The following RPTOR variants were observed in gnomAD, a reference collection of about 807,000 sequenced individuals.
The protein encoded by RPTOR is regulatory associated protein of MTOR complex 1, also known as regulatory-associated protein of mTOR.
RPTOR carries 21 observed loss-of-function variants against 169.9 expected under a neutral mutation model. The ratio of observed to expected loss-of-function variants is 0.12; its 90% CI spans 0.09 to 0.18. The LOEUF (loss-of-function observed/expected upper bound fraction) is 0.18. RPTOR is among the 10% of genes least tolerant of loss of function. The probability of loss-of-function intolerance (pLI) is 1.00; values close to 1 mark genes in which losing one functional copy is unlikely to be tolerated. For missense variants in RPTOR, 1,133 were observed against 1,855.9 expected, an observed-to-expected ratio of 0.61 and a Z score of 7.16; for synonymous variants, 732 against 753.2, an observed-to-expected ratio of 0.97 and a Z score of 0.46.
chr17:80,615,242 C>T (rs1306021993), intron 1 of RPTOR, among the ~76,000 whole-genome samples: 1 of 152,164 alleles, frequency 6.6e-6, no homozygotes, highest in Middle Eastern at 3.2e-3. Context: ...CCTAGAAGAC[C>T]TGCCACCGCC....
chr17:80,760,300 C>CTTTTTTTTT lies in RPTOR; in HGVS notation c.830+6121_830+6122insTTTTTTTTT, dbSNP rs1479994551. 3.1e-3 allele frequency among the ~76,000 whole-genome samples: 298 copies of CTTTTTTTTT among 96,472 alleles called. 6 individuals carry two copies. The highest frequency in any genetic ancestry group is 4.1e-3 in the Non-Finnish European group (207 of 50,628). The allele number at this position is 96,472 out of a possible 152,430, so 63.3% of individuals were successfully genotyped here. ...GTGTTCCAGTCGAGCTTTCTTTTTT[C>CTTTTTTTTT]TTTTTTCTTTTTTTTTTTTTTGAGA... On this transcript the variant is annotated intron_variant, in intron 6 of 33. Coordinates refer to ENST00000306801, the MANE Select transcript of RPTOR (RefSeq NM_020761.3).
chr17:80,813,330 C>T (rs138866494), intron 7 of RPTOR, among the ~76,000 whole-genome samples: 2 of 152,224 alleles, frequency 1.3e-5, no homozygotes, highest in South Asian at 4.1e-4. Flanking sequence ...AAAGTATTTT[C>T]ACTGGTTTCA....
chr17:80,731,752 G>C (rs1415985742), intron 5 of RPTOR, among the ~76,000 whole-genome samples: 1 of 152,112 alleles, frequency 6.6e-6, no homozygotes, highest in Non-Finnish European at 1.5e-5. Context: ...GTTTCCTCAA[G>C]CCTTTTTGAA....
intron 7 of RPTOR, among the ~76,000 whole-genome samples, chr17:80,797,539 T>C (rs1267597062): frequency 6.6e-6 from 1 of 152,230 alleles, no homozygotes; most frequent in East Asian, 1.9e-4. Context: ...TGCCTTGGCT[T>C]CCCAAAGTGC....
intron 11 of RPTOR, among the ~76,000 whole-genome samples, chr17:80,851,500 G>A (rs2067792871): frequency 6.6e-6 from 1 of 151,578 alleles, no homozygotes; most frequent in African/African-American, 2.4e-5. Flanking sequence ...TAATGTTTGA[G>A]AAAAAAAAAA....
intron 2 of RPTOR, among the ~76,000 whole-genome samples, chr17:80,637,108 G>A (rs890501618): frequency 1.3e-5 from 2 of 152,212 alleles, no homozygotes; most frequent in South Asian, 4.1e-4. Context: ...GGGTGGAGCG[G>A]AAGGTGGTCT....
chr17:80,893,908 G>T, intron 20 of RPTOR, 43 bp downstream of exon 20: 2 of 1,503,192 alleles, frequency 1.3e-6, no homozygotes, highest in Non-Finnish European at 8.9e-7. Context: ...GGCCCCGAGG[G>T]TCTCCTCCCC....
At chr17:80,598,890 A>G (rs973589581) in intron 1 of RPTOR, among the ~76,000 whole-genome samples, 3 of 144,912 alleles carry the variant, frequency 2.1e-5, no homozygotes. Flanking sequence ...CTTTCTATCT[A>G]TCTATCTATC....
In RPTOR at chr17:80,837,997, G is replaced by A. The variant is rs1370039629; in HGVS notation, c.1212G>A (p.Arg404=). 1.2e-6 allele frequency: 2 copies of A among 1,607,668 alleles called. No homozygotes were observed. Among genetic ancestry groups the A allele is most frequent in the Admixed American group, 1.7e-5 (1 of 59,560 alleles). The part of the protein sequence containing the change: ...PTIIEEGTAF[R]HSPFFAEQLT... ...TCATCGAGGAAGGCACTGCGTTTCGGGTGAGTCCCTCCAAGGGCACCCTGT... is the reference window on the plus strand; with the variant it reads ...TCATCGAGGAAGGCACTGCGTTTCGAGTGAGTCCCTCCAAGGGCACCCTGT... Residue 404 remains arginine (R), a splice_region_variant and synonymous_variant, in exon 10 of 34, where the codon CGG becomes CGA. Coordinates refer to ENST00000306801, the MANE Select transcript of RPTOR (RefSeq NM_020761.3).
intron 2 of RPTOR, among the ~76,000 whole-genome samples, chr17:80,634,593 TGTGTGCGTACTGTGTGTGTACTGTGTGC>T (rs1567831140): frequency 7.0e-5 from 3 of 42,576 alleles, no homozygotes; most frequent in African/African-American, 1.0e-4. Context: ...GCGTACTGTG[TGTGTGCGTACTGTGTGTGTACTGTGTGC>T]GTGTGCGTAC....
chr17:80,654,674 A>G (rs1402155140), intron 3 of RPTOR, among the ~76,000 whole-genome samples: 1 of 152,360 alleles, frequency 6.6e-6, no homozygotes, highest in South Asian at 2.1e-4. Flanking sequence ...GGACTGGAAC[A>G]TGCCCTGAAG....
At chr17:80,797,425 G>A (rs773862074) in intron 7 of RPTOR, among the ~76,000 whole-genome samples, 8 of 152,190 alleles carry the variant, frequency 5.3e-5, no homozygotes, top group Non-Finnish European at 1.2e-4. Context: ...TGGGATTATG[G>A]GCATGAGCCG....
chr17:80,800,197 C>T (rs1380391420), intron 7 of RPTOR, among the ~76,000 whole-genome samples: 3 of 152,236 alleles, frequency 2.0e-5, no homozygotes, highest in Admixed American at 6.5e-5. Context: ...GGCATAGCGT[C>T]CCTGCTGCCC....
intron 1 of RPTOR, among the ~76,000 whole-genome samples, chr17:80,563,975 C>A (rs1006795189): frequency 6.6e-6 from 1 of 152,172 alleles, no homozygotes; most frequent in African/African-American, 2.4e-5. Context: ...CCCCTTGGAC[C>A]GCAGTTAACT....
chr17:80,699,154 CT>C (rs1369097048), intron 3 of RPTOR, among the ~76,000 whole-genome samples: 4 of 152,238 alleles, frequency 2.6e-5, no homozygotes, highest in Non-Finnish European at 5.9e-5. Flanking sequence ...ACCCCAAGCT[CT>C]TGATAAAACA....
chr17:80,624,075 G>A (rs2065375516), intron 1 of RPTOR, among the ~76,000 whole-genome samples: 1 of 152,022 alleles, frequency 6.6e-6, no homozygotes, highest in African/African-American at 2.4e-5. Context: ...CACACTTCTA[G>A]CTGCTTGAAA....
chr17:80,606,050 C>T (rs1359117283), intron 1 of RPTOR, among the ~76,000 whole-genome samples: 4 of 152,140 alleles, frequency 2.6e-5, no homozygotes, highest in African/African-American at 9.7e-5. Flanking sequence ...CTCGCTCTGT[C>T]GCCCAGGCTG....
At chr17:80,712,343 G>A (rs2066201848) in intron 4 of RPTOR, among the ~76,000 whole-genome samples, 1 of 152,140 alleles carries the variant, frequency 6.6e-6, no homozygotes, top group Admixed American at 6.5e-5. Context: ...TGTCCTTCAA[G>A]TCCTCTGTGC....
intron 6 of RPTOR, among the ~76,000 whole-genome samples, chr17:80,762,174 G>T (rs2066743022): frequency 6.6e-6 from 1 of 152,226 alleles, no homozygotes. Context: ...AAGATGACGT[G>T]TAAAAACCAC....
Sources: allele counts gnomAD v4.1 joint callset (sites outside exome capture counted in the v4.1 genomes callset), GRCh38; gene constraint gnomAD v4.1.1; transcripts MANE v1.5; gene names NCBI Gene and HGNC (gene_info 2026-07-23, HGNC 2026-07-21).